Variants in NRP1 observed in about 807,000 individuals in gnomAD.
NRP1 encodes the protein neuropilin-1.
In NRP1, 35 loss-of-function variants were observed where a neutral mutation model predicts 106.7. The ratio of observed to expected loss-of-function variants is 0.33; its 90% CI spans 0.25 to 0.43. The LOEUF (loss-of-function observed/expected upper bound fraction) is 0.43, where lower values mean the gene tolerates loss of function less well. NRP1 is among the 20% of genes least tolerant of loss of function. NRP1 has a pLI of 1.00. For synonymous variants in NRP1, 437 were observed against 417.9 expected (o/e 1.05, Z -0.56); for missense variants, 1,024 against 1,170.4 (o/e 0.87, Z 1.83).
intron 6 of NRP1, among the ~76,000 whole-genome samples, chr10:33,245,597 A>T (rs1453244078): frequency 6.6e-6 from 1 of 152,218 alleles, no homozygotes; most frequent in Non-Finnish European, 1.5e-5. Context: ...CACCAGCCTC[A>T]ACAGAGACTC....
chr10:33,249,084 G>GGT (rs1320176756), intron 6 of NRP1, among the ~76,000 whole-genome samples: 4 of 72,204 alleles, frequency 5.5e-5, no homozygotes, highest in Admixed American at 1.7e-4. Flanking sequence ...TATGTCTCTT[G>GGT]TTTTTTTTTT....
chr10:33,233,923 A>T (rs2133018533), intron 6 of NRP1, among the ~76,000 whole-genome samples: 1 of 152,288 alleles, frequency 6.6e-6, no homozygotes, highest in Middle Eastern at 3.4e-3. Context: ...TGTGAACATC[A>T]ATGCTATTCT....
rs1451649965 is a variant in NRP1 at position 33,228,811 on chromosome 10, A to C, written c.982-2522T>G. Among the ~76,000 whole-genome samples, 3 of 152,364 alleles carry C rather than the reference A, an allele frequency of 2.0e-5. No homozygotes were observed. The South Asian group carries it at 6.2e-4, about 32-fold the overall frequency. On this transcript the variant is annotated intron_variant, in intron 6 of 16. Transcript: ENST00000374867. ...TGTGTGCTTTCACCAGATTTAAGAG[A>C]AAAAGGAACAAGAATTTAATAGAAT...
At chr10:33,189,983 C>A (rs1249507826) in intron 13 of NRP1, among the ~76,000 whole-genome samples, 1 of 152,188 alleles carries the variant, frequency 6.6e-6, no homozygotes, top group Admixed American at 6.5e-5. Context: ...CGGAGCTGAC[C>A]TGGCACAACT....
chr10:33,197,243 T>G (rs570296284), intron 12 of NRP1, among the ~76,000 whole-genome samples: 1 of 152,320 alleles, frequency 6.6e-6, no homozygotes, highest in African/African-American at 2.4e-5. Flanking sequence ...AACTGCCAAC[T>G]CCATGGCAGG....
In NRP1 at chr10:33,277,481, ACCACCAGCGCTG is replaced by A. The variant is rs1037322231; in HGVS notation, c.249-6637_249-6626del. 6.4e-4 allele frequency among the ~76,000 whole-genome samples: 97 copies of A among 152,342 alleles called. 1 individual carries two copies. The highest frequency in any genetic ancestry group is 1.6e-3 in the African/African-American group (66 of 41,592). ...GGGCAGCCCCAAGGAAGGCCTGACC[ACCACCAGCGCTG>A]CCACCAGCGCTGCCACCAGCCTGAG... On this transcript the variant is annotated intron_variant, in intron 2 of 16. Transcript: ENST00000374867.
At chr10:33,293,480 A>G (rs974574912) in intron 2 of NRP1, among the ~76,000 whole-genome samples, 1 of 152,202 alleles carries the variant, frequency 6.6e-6, no homozygotes, top group East Asian at 1.9e-4. Context: ...GACCGGAATT[A>G]CAGAGGAGAA....
At chr10:33,212,889 T>A (rs759183057) in intron 9 of NRP1, 2 of 269,518 alleles carry the variant, frequency 7.4e-6, no homozygotes, top group Non-Finnish European at 1.4e-5. Flanking sequence ...CAGTCTGGTC[T>A]CGAACTCCTG....
At position 33,204,458 on chromosome 10, in the gene NRP1, G is replaced by A. The variant is rs983797757; in HGVS notation, c.1760-1463C>T. Among the ~76,000 whole-genome samples, 6 of 152,338 alleles carry A rather than the reference G, an allele frequency of 3.9e-5. No individual in the cohort carries two copies. The South Asian group carries it at 1.2e-3, about 32-fold the overall frequency. ...TGTATTTATTGCTCTTGCTGAAACAGTAGTATCTCCTCTGGCAAGCCAGAT... is the reference window on the plus strand; with the variant it reads ...TGTATTTATTGCTCTTGCTGAAACAATAGTATCTCCTCTGGCAAGCCAGAT... On this transcript the variant is annotated intron_variant, in intron 10 of 16. Coordinates refer to ENST00000374867, the MANE Select transcript of NRP1 (RefSeq NM_003873.7).
At chr10:33,255,769 G>A (rs905975613) in intron 5 of NRP1, among the ~76,000 whole-genome samples, 1 of 152,072 alleles carries the variant, frequency 6.6e-6, no homozygotes, top group African/African-American at 2.4e-5. Context: ...TGTTCTTTCA[G>A]ATTTTTTTTC....
At chr10:33,222,295 C>T (rs940964901) in intron 7 of NRP1, among the ~76,000 whole-genome samples, 3 of 152,072 alleles carry the variant, frequency 2.0e-5, no homozygotes, top group African/African-American at 4.8e-5. Context: ...AATTCTAGGT[C>T]GTGTTTGCAG....
chr10:33,297,663 G>A (rs1461334827), intron 2 of NRP1, among the ~76,000 whole-genome samples: 1 of 149,852 alleles, frequency 6.7e-6, no homozygotes, highest in Admixed American at 6.6e-5. Context: ...CTCCAGTCTG[G>A]GAGACAGAGC....
intron 2 of NRP1, among the ~76,000 whole-genome samples, chr10:33,326,598 G>A (rs953642249): frequency 4.6e-5 from 7 of 152,072 alleles, no homozygotes; most frequent in Admixed American, 3.3e-4. Context: ...ACGCTCCACT[G>A]GTCTGTTGAT....
intron 3 of NRP1, among the ~76,000 whole-genome samples, chr10:33,269,038 C>T (rs957825231): frequency 1.3e-5 from 2 of 152,110 alleles, no homozygotes; most frequent in African/African-American, 2.4e-5. Context: ...CCCAGAAGAC[C>T]GAAGGCTTTT....
At chr10:33,304,286 C>T (rs1400363235) in intron 2 of NRP1, among the ~76,000 whole-genome samples, 2 of 152,120 alleles carry the variant, frequency 1.3e-5, no homozygotes, top group East Asian at 3.9e-4. Context: ...AAATTCCCTC[C>T]CCCAGATGGA....
chr10:33,221,725 T>A lies in NRP1; in HGVS notation c.1276A>T (p.Ile426Leu). The A allele has an allele frequency of 6.2e-7, 1 of 1,613,642 alleles. No individual in the cohort carries two copies. The highest frequency in any genetic ancestry group is 8.5e-7 in the Non-Finnish European group (1 of 1,179,544). The stretch of plus-strand genomic sequence containing the variant: ...TCAATCTTCCACAGCTTACCTGTTA[T>A]CTTGCAACCGTATACTTCAAATCTC... Reference protein sequence around the residue: ...SMRFEVYGCKITDYPCSGMLG... With the variant: ...SMRFEVYGCKLTDYPCSGMLG... The change falls in exon 8 of 17, where the codon ATA becomes TTA. Residue 426 changes from isoleucine to leucine, a missense_variant. By Grantham distance (5) the Ile-to-Leu change is conservative. Transcript: ENST00000374867.
intron 9 of NRP1, among the ~76,000 whole-genome samples, 190 bp from the exon 10 acceptor site, chr10:33,207,906 G>A (rs539214653): frequency 6.6e-6 from 1 of 152,270 alleles, no homozygotes; most frequent in East Asian, 1.9e-4. Context: ...AGAAGTGACA[G>A]ATGGCATTTA....
chr10:33,230,485 C>CCT (rs1202957737), intron 6 of NRP1, among the ~76,000 whole-genome samples: 55 of 152,220 alleles, frequency 3.6e-4, no homozygotes, highest in Admixed American at 3.5e-3. Flanking sequence ...TAAATTCTCC[C>CCT]CCTCTACTCT....
At chr10:33,289,897 G>T (rs1844865460) in intron 2 of NRP1, among the ~76,000 whole-genome samples, 1 of 152,180 alleles carries the variant, frequency 6.6e-6, no homozygotes, top group Non-Finnish European at 1.5e-5. Context: ...ATCTGCGGAG[G>T]CCAGCATTTT....
Sources: allele counts gnomAD v4.1 joint callset (sites outside exome capture counted in the v4.1 genomes callset), GRCh38; gene constraint gnomAD v4.1.1; transcripts MANE v1.5; gene names NCBI Gene and HGNC (gene_info 2026-07-23, HGNC 2026-07-21).